Variants in TIAM2 observed in about 807,000 individuals in gnomAD.
TIAM2 encodes the protein TIAM Rac1 associated GEF 2, also known as rho guanine nucleotide exchange factor TIAM2.
TIAM2 carries 80 observed loss-of-function variants against 152.9 expected under a neutral mutation model. The observed-to-expected ratio is 0.52, with a 90% confidence interval of 0.44 to 0.63. TIAM2 has a LOEUF of 0.63. TIAM2 is among the 30% of genes least tolerant of loss of function. TIAM2 has a pLI of 0.00. For synonymous variants in TIAM2, 804 were observed against 838.0 expected (o/e 0.96, Z 0.70); for missense variants, 1,965 against 2,120.1 (o/e 0.93, Z 1.44).
chr6:155,040,818 T>G (rs74849552), intron 1 of TIAM2, among the ~76,000 whole-genome samples: 4,728 of 152,240 alleles, frequency 0.031, 119 homozygotes, highest in African/African-American at 0.062. Flanking sequence ...CCTGCCTGGC[T>G]AAGAGCACAG....
In TIAM2 at chr6:155,057,017, C is replaced by CTTTTTTTTT. The variant is rs71023612; in HGVS notation, c.-208-33251_-208-33243dup. Among the ~76,000 whole-genome samples, 107 of 43,882 alleles carry CTTTTTTTTT rather than the reference C, an allele frequency of 2.4e-3. 10 individuals are homozygous for CTTTTTTTTT. The highest frequency in any genetic ancestry group is 5.4e-3 in the Admixed American group (14 of 2,584). The allele number at this position is 43,882 out of a possible 152,430, so 28.8% of individuals were successfully genotyped here. A position where few individuals can be genotyped will look rare whatever the true frequency, so the allele number is the denominator to read the frequency against. On this transcript the variant is annotated intron_variant, in intron 1 of 26. Transcript: ENST00000682666. ...AGTAGAATGTTCCTCAGTTTTCTTT[C>CTTTTTTTTT]TTTTTTTTTTTTTTTTTTTTTTTTT...
intron 1 of TIAM2, among the ~76,000 whole-genome samples, chr6:155,083,985 G>A (rs1778126231): frequency 6.6e-6 from 1 of 152,196 alleles, no homozygotes; most frequent in African/African-American, 2.4e-5. Flanking sequence ...TACTATATAG[G>A]TTGAAGCAGA....
At chr6:155,217,921 A>C (rs1323675699) in intron 15 of TIAM2, among the ~76,000 whole-genome samples, 2 of 152,166 alleles carry the variant, frequency 1.3e-5, no homozygotes, top group African/African-American at 2.4e-5. Context: ...ATTTCTGCTC[A>C]CCCACTTGGC....
At chr6:155,104,629 C>T (rs1475397039) in intron 2 of TIAM2, among the ~76,000 whole-genome samples, 4 of 151,864 alleles carry the variant, frequency 2.6e-5, no homozygotes, top group South Asian at 2.1e-4. Context: ...TGGTGGCGGG[C>T]GCTTGTAGTC....
chr6:155,129,688 C>T lies in TIAM2; in HGVS notation c.465C>T (p.Asp155=), dbSNP rs1384894322. 2 of 1,614,124 alleles carry T rather than the reference C, an allele frequency of 1.2e-6. No homozygotes were observed. The highest frequency in any genetic ancestry group is 2.2e-5 in the East Asian group (1 of 44,882). ...TTGCCTCCACCCCACCGGGCGAAGA[C>T]CGCAAGAGCCCCCGAGTGCTCATCA... The part of the protein sequence containing the change: ...ESIASTPPGE[D]RKSPRVLIKT... Residue 155 remains aspartate, a synonymous_variant, in exon 4 of 27, where the codon GAC becomes GAT. Transcript: ENST00000682666. The surrounding 1 kb of genome is among the most constrained non-coding windows in gnomAD (Gnocchi z 4.8).
intron 7 of TIAM2, 52 bp from the exon 8 acceptor site, chr6:155,164,363 A>G (rs1278003081): frequency 1.3e-6 from 2 of 1,523,658 alleles, no homozygotes; most frequent in Non-Finnish European, 8.9e-7. Context: ...TTTCGTTTTA[A>G]CCTGTGAAAA....
chr6:155,031,152 G>T (rs1188500667), intron 1 of TIAM2, among the ~76,000 whole-genome samples: 1 of 152,068 alleles, frequency 6.6e-6, no homozygotes, highest in Admixed American at 6.6e-5. Flanking sequence ...AACATGCATG[G>T]TCATAAATAC....
intron 19 of TIAM2, among the ~76,000 whole-genome samples, chr6:155,246,239 G>C (rs979668953): frequency 6.6e-6 from 1 of 151,650 alleles, no homozygotes; most frequent in Non-Finnish European, 1.5e-5. Context: ...TGGGCCTGGA[G>C]GGCATCTGGA....
chr6:155,031,340 C>T (rs1373500213), intron 1 of TIAM2, among the ~76,000 whole-genome samples: 2 of 152,144 alleles, frequency 1.3e-5, no homozygotes, highest in African/African-American at 4.8e-5. Context: ...GTTGCTGATA[C>T]TTCACATAAC....
intron 14 of TIAM2, among the ~76,000 whole-genome samples, chr6:155,190,531 G>T (rs1349478236): frequency 6.6e-6 from 1 of 152,254 alleles, no homozygotes; most frequent in South Asian, 2.1e-4. Flanking sequence ...GGACCAGGCA[G>T]TATGAGGGTC....
chr6:155,086,027 A>G (rs1778164689), intron 1 of TIAM2, among the ~76,000 whole-genome samples: 1 of 152,206 alleles, frequency 6.6e-6, no homozygotes, highest in South Asian at 2.1e-4. Context: ...ATTCTCCCTT[A>G]AAATGGGACT....
chr6:155,072,037 G>C (rs574688234), intron 1 of TIAM2, among the ~76,000 whole-genome samples: 1 of 152,280 alleles, frequency 6.6e-6, no homozygotes, highest in East Asian at 1.9e-4. Context: ...AGAGGAGAGC[G>C]TGTCAGCTAG....
At chr6:155,132,004 T>C (rs1333300438) in intron 4 of TIAM2, among the ~76,000 whole-genome samples, 4 of 151,970 alleles carry the variant, frequency 2.6e-5, no homozygotes, top group Non-Finnish European at 5.9e-5. Flanking sequence ...ATGATGAATA[T>C]ACTTCTGTAT....
intron 1 of TIAM2, among the ~76,000 whole-genome samples, chr6:155,036,908 G>A (rs879567070): frequency 1.2e-4 from 18 of 152,104 alleles, no homozygotes; most frequent in East Asian, 3.9e-4. Context: ...ATGAGCCACC[G>A]CGCCTGGCCT....
intron 2 of TIAM2, among the ~76,000 whole-genome samples, chr6:155,114,050 C>CTTTTTTTTTTTTTTTTTTTTTTTTTT: frequency 1.7e-5 from 1 of 58,258 alleles, no homozygotes; most frequent in Non-Finnish European, 2.9e-5. Flanking sequence ...TTTTTTTTTT[C>CTTTTTTTTTTTTTTTTTTTTTTTTTT]TTTTTTTTTT....
rs73575638 is a variant in TIAM2 at position 155,147,128 on chromosome 6, C to T, written c.1804-982C>T. Among the ~76,000 whole-genome samples the T allele has an allele frequency of 1.9e-3, 278 of 149,692 alleles. 2 individuals carry two copies. The highest frequency in any genetic ancestry group is 6.2e-3 in the African/African-American group (255 of 40,950). ...GGAAAAACCTTGATATATTCAAAGA[C>T]AATAGCATTATTTTGTTTCCCCCCA... On this transcript the variant is annotated intron_variant, in intron 6 of 26. Transcript: ENST00000682666.
chr6:155,011,970 A>G (rs1778496833), intron 1 of TIAM2, among the ~76,000 whole-genome samples: 1 of 152,186 alleles, frequency 6.6e-6, no homozygotes, highest in African/African-American at 2.4e-5. Context: ...GCTTTTTGAG[A>G]TAGCTTCCAT....
At chr6:155,059,313 T>TGTGTGC (rs2114935712) in intron 1 of TIAM2, among the ~76,000 whole-genome samples, 1 of 148,398 alleles carries the variant, frequency 6.7e-6, no homozygotes, top group East Asian at 2.0e-4. Context: ...TGTGTGTGTG[T>TGTGTGC]GTGTGTGTGT....
chr6:154,997,991 T>C (rs1321877233), intron 1 of TIAM2, among the ~76,000 whole-genome samples: 1 of 151,972 alleles, frequency 6.6e-6, no homozygotes, highest in Non-Finnish European at 1.5e-5. Flanking sequence ...TGGGGGCAGA[T>C]TTTTTTTGTA....
Sources: gnomAD v4.1 joint callset for allele counts (sites outside exome capture counted in the v4.1 genomes callset) on GRCh38, gnomAD v4.1.1 for gene constraint, Gnocchi (gnomAD v3.1) non-coding constraint, MANE v1.5 for transcripts, NCBI Gene and HGNC (gene_info 2026-07-23, HGNC 2026-07-21) for gene names.